The following CILK1 variants were observed in gnomAD, a reference collection of about 807,000 sequenced individuals.
CILK1 encodes ciliogenesis associated kinase 1, also known as serine/threonine-protein kinase ICK.
A neutral mutation model predicts 79.2 loss-of-function variants in CILK1; 47 were observed. The ratio of observed to expected loss-of-function variants is 0.59; its 90% CI spans 0.47 to 0.76. The LOEUF (loss-of-function observed/expected upper bound fraction) is 0.76, where lower values mean the gene tolerates loss of function less well. Among genes scored for constraint, CILK1 ranks in the 30% least tolerant of loss-of-function variants. CILK1 has a pLI of 0.00. For synonymous variants in CILK1, 266 were observed against 275.9 expected (o/e 0.96, Z 0.36); for missense variants, 660 against 769.5 (o/e 0.86, Z 1.68).
chr6:53,049,899 T>A (rs567082733), intron 1 of CILK1, among the ~76,000 whole-genome samples: 1 of 152,172 alleles, frequency 6.6e-6, no homozygotes, highest in South Asian at 2.1e-4. Flanking sequence ...TTTTGTATTT[T>A]TCGTAGAGAC....
Position 53,016,223 on chromosome 6 carries a change from A to C in CILK1, c.691T>G (p.Ser231Ala). The change falls in exon 8 of 14, where the codon TCA (serine) becomes GCA (alanine). Residue 231 changes from serine (S) to alanine (A), a missense_variant. Ser to Ala is a moderately conservative substitution (Grantham distance 99). Transcript: ENST00000676107. ...KTDWPEGYQL[S>A]SAMNFRWPQC... Reference sequence around the variant, plus strand: ...GGCCAACGGAAGTTCATTGCACTTGAAAGTTGATAGCCTTCAGGCCAGTCA... The same window carrying C: ...GGCCAACGGAAGTTCATTGCACTTGCAAGTTGATAGCCTTCAGGCCAGTCA... The C allele has an allele frequency of 1.9e-6, 3 of 1,614,086 alleles. No homozygotes were observed. Among genetic ancestry groups the C allele is most frequent in the East Asian group, 4.5e-5 (2 of 44,872 alleles).
At chr6:53,022,750 A>G (rs1765325497) in intron 5 of CILK1, among the ~76,000 whole-genome samples, 1 of 152,198 alleles carries the variant, frequency 6.6e-6, no homozygotes, top group African/African-American at 2.4e-5. Flanking sequence ...CTAACATGGT[A>G]GCCTTCATTC....
chr6:53,047,684 A>T (rs1767188024), intron 1 of CILK1, among the ~76,000 whole-genome samples: 1 of 151,846 alleles, frequency 6.6e-6, no homozygotes, highest in African/African-American at 2.4e-5. Flanking sequence ...CATGAATAAA[A>T]TCCCTCTGGA....
intron 7 of CILK1, among the ~76,000 whole-genome samples, chr6:53,016,664 T>C (rs1169948614): frequency 1.3e-5 from 2 of 152,260 alleles, no homozygotes; most frequent in African/African-American, 2.4e-5. Flanking sequence ...TGTGAAACTC[T>C]ACCTACAGTA....
At chr6:53,024,725 CA>C (rs1163389453) in intron 5 of CILK1, among the ~76,000 whole-genome samples, 7 of 152,122 alleles carry the variant, frequency 4.6e-5, no homozygotes, top group Non-Finnish European at 1.0e-4. Flanking sequence ...AAAACTGAAT[CA>C]TGGTGGCAGG....
chr6:53,030,539 T>A (rs1224800267), intron 5 of CILK1, among the ~76,000 whole-genome samples: 1 of 152,250 alleles, frequency 6.6e-6, no homozygotes, highest in Non-Finnish European at 1.5e-5. Flanking sequence ...GCATGCATTT[T>A]GAGGACTAAC....
At chr6:53,050,823 G>A (rs1767432414) in intron 1 of CILK1, among the ~76,000 whole-genome samples, 1 of 151,916 alleles carries the variant, frequency 6.6e-6, no homozygotes, top group Admixed American at 6.6e-5. Flanking sequence ...GCGAGACCCT[G>A]TCTCAAAAAA....
At chr6:53,016,333 G>A in intron 7 of CILK1, 83 bp from the exon 8 acceptor site, 1 of 1,394,866 alleles carries the variant, frequency 7.2e-7, no homozygotes, top group Admixed American at 1.7e-5. Flanking sequence ...GCCCCAAATG[G>A]AAAGGCAACC....
chr6:53,021,405 C>T (rs1158963623), intron 5 of CILK1, among the ~76,000 whole-genome samples: 1 of 152,160 alleles, frequency 6.6e-6, no homozygotes, highest in Non-Finnish European at 1.5e-5. Context: ...TGCATTGCCA[C>T]TTTCTTGCAG....
chr6:53,012,092 G>C lies in CILK1; in HGVS notation c.1288C>G (p.Leu430Val). The change falls in exon 10 of 14, where the codon CTC becomes GTC. Residue 430 changes from leucine (L) to valine (V), a missense_variant. Transcript: ENST00000676107. ...DLDDLDFSPS[L>V]SRIDLKNKKR... is the part of the protein sequence containing the mutation. ...TTGTTTTTCAGGTCAATCCTGCTGA[G>C]GGATGGACTGAAATCCAAGTCATCC... 1 of 1,614,192 alleles carries C rather than the reference G, an allele frequency of 6.2e-7. No homozygotes were observed.
At chr6:53,059,468 T>A (rs533785928) in intron 1 of CILK1, among the ~76,000 whole-genome samples, 1 of 151,960 alleles carries the variant, frequency 6.6e-6, no homozygotes, top group East Asian at 1.9e-4. Flanking sequence ...TCTTGAGAAA[T>A]AGAAAGAGGA....
intron 3 of CILK1, among the ~76,000 whole-genome samples, chr6:53,034,521 C>T (rs1766180597): frequency 6.6e-6 from 1 of 152,106 alleles, no homozygotes; most frequent in South Asian, 2.1e-4. Flanking sequence ...GCAAATTAAG[C>T]CCAATCAACA....
intron 1 of CILK1, among the ~76,000 whole-genome samples, chr6:53,050,890 T>C (rs1767438859): frequency 6.6e-6 from 1 of 152,152 alleles, no homozygotes; most frequent in South Asian, 2.1e-4. Flanking sequence ...TACAGCAATA[T>C]CTGAAATACG....
At position 53,002,246 on chromosome 6, in the gene CILK1, C is replaced by G. The variant is rs1259836006; in HGVS notation, c.*2903G>C. On this transcript the variant is annotated 3_prime_UTR_variant, in exon 14 of 14. Coordinates refer to ENST00000676107, the MANE Select transcript of CILK1 (RefSeq NM_014920.5). ...AGTTTTCCCTACTCTGCTGGCACTA[C>G]CTGGGGCACATCAATACCCCTACAA... 1 of 152,188 alleles carries G rather than the reference C, an allele frequency of 6.6e-6. No homozygotes were observed. The highest frequency in any genetic ancestry group is 1.5e-5 in the Non-Finnish European group (1 of 68,036). 9.4% of individuals were successfully genotyped at this position (152,188 alleles called of 1,614,324 possible).
Position 53,013,646 on chromosome 6 carries a change from A to G in CILK1, c.1152+16T>C, listed in dbSNP as rs1342635769. On this transcript the variant is annotated intron_variant, in intron 9 of 13. Coordinates refer to ENST00000676107, the MANE Select transcript of CILK1 (RefSeq NM_014920.5). ...TAAACAGACACGAAGCTCACTGGTG[A>G]ATCTGGGCTGCTCACCGACTGTGGA... 1 of 1,612,598 alleles carries G rather than the reference A, an allele frequency of 6.2e-7. No individual in the cohort carries two copies.
chr6:53,037,429 A>T (rs996941283), intron 3 of CILK1, among the ~76,000 whole-genome samples: 5 of 152,018 alleles, frequency 3.3e-5, no homozygotes, highest in African/African-American at 1.2e-4. Flanking sequence ...GGAATCTTGT[A>T]AGGTGCCTCC....
intron 5 of CILK1, among the ~76,000 whole-genome samples, chr6:53,028,029 C>T (rs1765688441): frequency 6.6e-6 from 1 of 152,132 alleles, no homozygotes; most frequent in South Asian, 2.1e-4. Context: ...CGCCTGTAGT[C>T]CCAGCTACTC....
chr6:53,020,834 T>C (rs1031961013), intron 5 of CILK1, among the ~76,000 whole-genome samples: 2 of 152,246 alleles, frequency 1.3e-5, no homozygotes. Flanking sequence ...TCTACCCTTC[T>C]GAAGACATAA....
chr6:53,058,635 TA>T (rs972408271), intron 1 of CILK1, among the ~76,000 whole-genome samples: 1 of 152,032 alleles, frequency 6.6e-6, no homozygotes, highest in African/African-American at 2.4e-5. Flanking sequence ...TCTAATACTC[TA>T]AACATAGGCC....
Sources: gnomAD v4.1 joint callset for allele counts (sites outside exome capture counted in the v4.1 genomes callset) on GRCh38, gnomAD v4.1.1 for gene constraint, MANE v1.5 for transcripts, NCBI Gene and HGNC (gene_info 2026-07-23, HGNC 2026-07-21) for gene names.